RRM2: variants seen among roughly 807,000 people sequenced by gnomAD.
RRM2 encodes the protein ribonucleoside-diphosphate reductase subunit M2.
A neutral mutation model predicts 45.9 loss-of-function variants in RRM2; 6 were observed. That is an observed-to-expected ratio of 0.13 (90% confidence interval 0.07 to 0.26). The LOEUF is 0.26. RRM2 is among the 10% of genes least tolerant of loss of function. The pLI, the probability that RRM2 is intolerant of heterozygous loss-of-function variation, is 1.00. For synonymous variants in RRM2, 177 were observed against 173.0 expected, an observed-to-expected ratio of 1.02 and a Z score of -0.18; for missense variants, 343 against 489.5, an observed-to-expected ratio of 0.70 and a Z score of 2.82.
At chr2:10,152,461 T>C (rs1376372100) in intron 3 of RRM2, among the ~76,000 whole-genome samples, 1 of 150,632 alleles carries the variant, frequency 6.6e-6, no homozygotes, top group African/African-American at 2.4e-5. Context: ...TTATAGTTTA[T>C]GTTTTCTGTG....
At position 10,210,652 on chromosome 2, in the gene RRM2, G is replaced by A; in HGVS notation, n.824G>A. 2.2e-6 allele frequency: 3 copies of A among 1,334,418 alleles called. No individual in the cohort carries two copies. The South Asian group carries it at 3.6e-5, about 16-fold the overall frequency. The allele number at this position is 1,334,418 out of a possible 1,614,324, so 82.7% of individuals were successfully genotyped here. The stretch of plus-strand genomic sequence containing the variant: ...CACTGCCTCTCATGCCGGAGTGGGG[G>A]AAATGGAACCCGCAAAGCCTGCAGG... On this transcript the variant is annotated non_coding_transcript_exon_variant, in exon 4 of 4. Coordinates refer to the RRM2 transcript ENST00000381786.
chr2:10,123,018 C>T lies in RRM2; in HGVS notation c.135C>T (p.Ser45=). The change falls in exon 2 of 10, where the codon AGC becomes AGT. Residue 45 remains serine (S), a synonymous_variant. Coordinates refer to ENST00000304567, the MANE Select transcript of RRM2 (RefSeq NM_001034.4). ...PALSGTRVLA[S]KTARRIFQEP... Reference sequence around the variant, plus strand: ...TGAGCGGGACCCGCGTCCTGGCCAGCAAGACCGCGAGGAGGATCTTCCAGG... The same window carrying T: ...TGAGCGGGACCCGCGTCCTGGCCAGTAAGACCGCGAGGAGGATCTTCCAGG... The T allele has an allele frequency of 6.4e-7, 1 of 1,566,692 alleles. No homozygotes were observed. Among genetic ancestry groups the T allele is most frequent in the Non-Finnish European group, 8.6e-7 (1 of 1,163,150 alleles).
chr2:10,127,229 A>G lies in RRM2; in HGVS notation c.798+9A>G, dbSNP rs1417078448. 3 of 1,611,240 alleles carry G rather than the reference A, an allele frequency of 1.9e-6. No individual in the cohort carries two copies. The South Asian group carries it at 3.3e-5, about 18-fold the overall frequency. The stretch of plus-strand genomic sequence containing the variant: ...TTATTAGCAGAGATGAGGTGAGTCT[A>G]AGTCAAATAATAGGGTGACCTAAAC... On this transcript the variant is annotated intron_variant, in intron 7 of 9. Transcript: ENST00000304567. The surrounding 1 kb of genome is among the most constrained non-coding windows in gnomAD (Gnocchi z 4.1).
intron 5 of RRM2, 184 bp from the exon 6 acceptor site, chr2:10,126,691 A>G: frequency 1.7e-6 from 1 of 604,966 alleles, no homozygotes; most frequent in Non-Finnish European, 2.9e-6. Flanking sequence ...GAGGTTTTTA[A>G]AAGAACACTG....
intron 1 of RRM2, chr2:10,141,804 C>T (rs1236562210): frequency 3.9e-6 from 6 of 1,547,840 alleles, no homozygotes; most frequent in African/African-American, 2.7e-5. Context: ...GGCTGGGAGG[C>T]GGTTGCTCCA....
upstream of RRM2, among the ~76,000 whole-genome samples, chr2:10,137,913 A>G (rs1663018709): frequency 6.6e-6 from 1 of 152,150 alleles, no homozygotes; most frequent in African/African-American, 2.4e-5. Flanking sequence ...CTCTGGACTG[A>G]TGTGGGTCCC....
chr2:10,198,119 G>T (rs1664451932), intron 3 of RRM2, among the ~76,000 whole-genome samples: 1 of 152,168 alleles, frequency 6.6e-6, no homozygotes, highest in African/African-American at 2.4e-5. Context: ...CCTCTCCCCT[G>T]TATGTACCGC....
chr2:10,202,586 T>G (rs934404422), intron 3 of RRM2, among the ~76,000 whole-genome samples: 9 of 152,086 alleles, frequency 5.9e-5, no homozygotes, highest in African/African-American at 2.2e-4. Context: ...GAGTTTTATT[T>G]TGGGGTGAGA....
intron 3 of RRM2, among the ~76,000 whole-genome samples, chr2:10,187,391 G>A (rs1482530322): frequency 6.6e-6 from 1 of 152,254 alleles, no homozygotes; most frequent in African/African-American, 2.4e-5. Context: ...GTGATGGTAA[G>A]ATACTACAGC....
intron 3 of RRM2, among the ~76,000 whole-genome samples, chr2:10,183,320 C>T (rs1338579158): frequency 1.3e-5 from 2 of 152,228 alleles, no homozygotes; most frequent in African/African-American, 4.8e-5. Flanking sequence ...GATGTGCCAT[C>T]TGACCCCTCT....
intron 7 of RRM2, among the ~76,000 whole-genome samples, chr2:10,128,605 C>A (rs1374237071): frequency 1.3e-5 from 2 of 152,212 alleles, no homozygotes; most frequent in African/African-American, 2.4e-5. Context: ...GCAAGAAATA[C>A]ACCTTGCCTG....
At chr2:10,166,636 G>C (rs1287516928) in intron 3 of RRM2, among the ~76,000 whole-genome samples, 1 of 152,236 alleles carries the variant, frequency 6.6e-6, no homozygotes, top group Non-Finnish European at 1.5e-5. Context: ...TCTGCGATGC[G>C]TAGCTAGCAG....
rs1479157615 is a variant in RRM2, at chr2:10,195,790, A to G, written n.483-14521A>G. Among the ~76,000 whole-genome samples, 1 of 152,140 alleles carries G rather than the reference A, an allele frequency of 6.6e-6. No individual in the cohort carries two copies. The highest frequency in any genetic ancestry group is 1.5e-5 in the Non-Finnish European group (1 of 68,016). On this transcript the variant is annotated intron_variant and non_coding_transcript_variant, in intron 3 of 3. Transcript: ENST00000381786. This position sits in a 1 kb window ranked among gnomAD's most constrained non-coding sequence, Gnocchi z 4.9. ...GTGGTCCTGTGTAGGACTGGTTGCC[A>G]CAGGTAAGTAGTGACCTGGCCTGGC...
chr2:10,182,378 C>CA (rs61108972), intron 3 of RRM2, among the ~76,000 whole-genome samples: 2 of 151,556 alleles, frequency 1.3e-5, no homozygotes, highest in African/African-American at 4.8e-5. Context: ...AAAAAAAACC[C>CA]AAAAAAAATC....
chr2:10,183,794 C>CAA (rs529549163), intron 3 of RRM2, among the ~76,000 whole-genome samples: 53 of 114,552 alleles, frequency 4.6e-4, no homozygotes, highest in Admixed American at 1.9e-3. Context: ...GACTCTGTTT[C>CAA]AAAAAAAAAA....
At chr2:10,139,766 AGTGGTCT>A (rs1558384922), upstream of RRM2, among the ~76,000 whole-genome samples, 5 of 152,276 alleles carry the variant, frequency 3.3e-5, no homozygotes, top group South Asian at 8.3e-4. Flanking sequence ...GAACACAGAG[AGTGGTCT>A]GTTGGGCCTT....
rs79698300 is a variant in RRM2, at chr2:10,183,303, C to T, written n.483-27008C>T. 7.5e-3 allele frequency among the ~76,000 whole-genome samples: 1,147 copies of T among 152,358 alleles called. 13 individuals are homozygous for T. The highest frequency in any genetic ancestry group is 0.026 in the African/African-American group (1,083 of 41,590). On this transcript the variant is annotated intron_variant and non_coding_transcript_variant, in intron 3 of 3. Coordinates refer to the RRM2 transcript ENST00000381786. ...AGGATTTTATGTCCCTCAGGACTCA[C>T]GGGGCTGATGTGCCATCTGACCCCT...
intron 3 of RRM2, among the ~76,000 whole-genome samples, chr2:10,183,517 C>T (rs921791880): frequency 9.2e-5 from 14 of 152,260 alleles, no homozygotes; most frequent in African/African-American, 3.1e-4. Context: ...ATTCCGATCA[C>T]AGCAGACCTC....
At position 10,169,219 on chromosome 2, in the gene RRM2, C is replaced by T; in HGVS notation, n.482+26844C>T. Among the ~76,000 whole-genome samples the T allele has an allele frequency of 6.7e-6, 1 of 150,316 alleles. No individual in the cohort carries two copies. On this transcript the variant is annotated intron_variant and non_coding_transcript_variant, in intron 3 of 3. Transcript: ENST00000381786. This position sits in a 1 kb window ranked among gnomAD's most constrained non-coding sequence, Gnocchi z 5.1. ...CTAGTTTTGAACTCCCGGGCTCAAT[C>T]CTCCTGCCTCAGCCTCCCACAGTGC... is the stretch of plus-strand genomic sequence containing the variant.
Sources: allele counts gnomAD v4.1 joint callset (sites outside exome capture counted in the v4.1 genomes callset), GRCh38; gene constraint gnomAD v4.1.1; non-coding constraint Gnocchi (gnomAD v3.1); transcripts MANE v1.5; gene names NCBI Gene and HGNC (gene_info 2026-07-23, HGNC 2026-07-21).